CLUH: variants seen among roughly 807,000 people sequenced by gnomAD.
The protein encoded by CLUH is CLUH binding protein of NUMT mRNA, also known as clustered mitochondria protein homolog.
A neutral mutation model predicts 139.3 loss-of-function variants in CLUH; 77 were observed. That is an observed-to-expected ratio of 0.55 (90% CI 0.46 to 0.67). CLUH has a LOEUF of 0.67. Among genes scored for constraint, CLUH ranks in the 30% least tolerant of loss-of-function variants. The pLI, the probability that CLUH is intolerant of heterozygous loss-of-function variation, is 0.00. For missense variants in CLUH, 1,876 were observed against 1,875.8 expected, an observed-to-expected ratio of 1.00 and a Z score of 0.00; for synonymous variants, 999 against 801.6, an observed-to-expected ratio of 1.25 and a Z score of -4.16.
Position 2,703,369 on chromosome 17 carries a change from G to A in CLUH, c.424C>T (p.Leu142=). ...DGNVLDHFSE[L]RSVEGLQEGS... is the part of the protein sequence containing the mutation. ...TCCTGCAGCCCCTCGACGCTGCGCAGCTCCGAGAAGTGGTCCAGCACGTTG... is the reference window on the plus strand; with the variant it reads ...TCCTGCAGCCCCTCGACGCTGCGCAACTCCGAGAAGTGGTCCAGCACGTTG... The change falls in exon 3 of 26, where the codon CTG becomes TTG. Residue 142 remains leucine, a synonymous_variant. Coordinates refer to ENST00000651024, the MANE Select transcript of CLUH (RefSeq NM_001366661.1). The surrounding 1 kb of genome is among the most constrained non-coding windows in gnomAD (Gnocchi z 4.2). 1.2e-6 allele frequency: 2 copies of A among 1,613,338 alleles called. No individual in the cohort carries two copies. The highest frequency in any genetic ancestry group is 2.7e-5 in the African/African-American group (2 of 75,032).
chr17:2,711,198 C>T (rs2070509208), intron 1 of CLUH: 2 of 152,252 alleles, frequency 1.3e-5, no homozygotes, highest in African/African-American at 4.8e-5. Flanking sequence ...GGAGCGACCC[C>T]AGCTCAGAGA....
intron 11 of CLUH, 57 bp downstream of exon 11, chr17:2,696,662 A>C: frequency 6.3e-7 from 1 of 1,591,452 alleles, no homozygotes; most frequent in East Asian, 2.3e-5. Flanking sequence ...TGGGGGTCAT[A>C]AGCCACCCTG....
intron 25 of CLUH, 123 bp from the exon 26 acceptor site, chr17:2,690,900 A>G: frequency 1.4e-6 from 1 of 717,198 alleles, no homozygotes; most frequent in Non-Finnish European, 2.0e-6. Flanking sequence ...ATGTGTGTGA[A>G]CAAGCGCTTC....
At chr17:2,695,571 C>A in intron 13 of CLUH, 45 bp from the exon 14 acceptor site, 1 of 1,533,794 alleles carries the variant, frequency 6.5e-7, no homozygotes, top group Non-Finnish European at 8.7e-7. Flanking sequence ...TCCTCTGCCT[C>A]CACCCAACTG....
upstream of CLUH, chr17:2,711,936 C>T (rs1213913459): frequency 1.3e-5 from 2 of 152,258 alleles, no homozygotes; most frequent in African/African-American, 4.8e-5. Flanking sequence ...CACTCTGACT[C>T]AAGGCCCAGG....
chr17:2,695,043 C>T lies in CLUH; in HGVS notation c.2666G>A (p.Ser889Asn), dbSNP rs748795142. The T allele has an allele frequency of 7.4e-6, 12 of 1,613,316 alleles. No homozygotes were observed. The highest frequency in any genetic ancestry group is 1.1e-5 in the South Asian group (1 of 91,048). Residue 889 changes from serine (S) to asparagine (N), a missense_variant, in exon 16 of 26, where the codon AGC becomes AAC. Transcript: ENST00000651024. ...AISHFLNCFLSSYPNPVAHLP... is the reference protein window; with the variant it reads ...AISHFLNCFLNSYPNPVAHLP... ...GTGGGCCACGGGGTTTGGGTAGGAGCTCAGGAAGCAGTTCAGGAAGTGGCT... is the reference window on the plus strand; with the variant it reads ...GTGGGCCACGGGGTTTGGGTAGGAGTTCAGGAAGCAGTTCAGGAAGTGGCT...
Position 2,696,961 on chromosome 17 carries a change from G to A in CLUH, c.1962-19C>T, listed in dbSNP as rs760498783. On this transcript the variant is annotated intron_variant, in intron 10 of 25. Transcript: ENST00000651024. ...GAGGTACCTGGAGCAGAGGAAACAG[G>A]GCAGAGCAGGAGCTGGACATCGGGG... 1.1e-5 allele frequency: 16 copies of A among 1,521,316 alleles called. No individual in the cohort carries two copies. The highest frequency in any genetic ancestry group is 1.9e-4 in the Middle Eastern group (1 of 5,268). 94.2% of individuals were successfully genotyped at this position (1,521,316 alleles called of 1,614,324 possible).
rs186143146 is a variant in CLUH at position 2,696,668 on chromosome 17, C to A, written c.2185+51G>T. On this transcript the variant is annotated intron_variant, in intron 11 of 25. Coordinates refer to ENST00000651024, the MANE Select transcript of CLUH (RefSeq NM_001366661.1). ...TCTCCCAGGTGGGGGTCATAAGCCA[C>A]CCTGGCAGGGCCAGCCCGGGCTCTC... 8.8e-5 allele frequency: 140 copies of A among 1,597,374 alleles called. 1 individual carries two copies. In the East Asian group the frequency reaches 3.1e-3, roughly 35 times the overall value.
At chr17:2,705,400 T>C (rs1269892227) in intron 1 of CLUH, among the ~76,000 whole-genome samples, 1 of 152,094 alleles carries the variant, frequency 6.6e-6, no homozygotes, top group Non-Finnish European at 1.5e-5. Flanking sequence ...GGCACCCACC[T>C]GAAGTCAGCC....
Position 2,699,610 on chromosome 17 carries a change from G to C in CLUH, c.1266+772C>G, listed in dbSNP as rs548971906. ...CCCAAAGTGCTAGGATTACAGGCGT[G>C]AGCCACTGTGCCTGGCTGAGATTTC... On this transcript the variant is annotated intron_variant, in intron 9 of 25. Transcript: ENST00000651024. Among the ~76,000 whole-genome samples, 13 of 150,816 alleles carry C rather than the reference G, an allele frequency of 8.6e-5. No individual in the cohort carries two copies. In the East Asian group the frequency reaches 2.5e-3, roughly 29 times the overall value.
chr17:2,704,118 C>A lies in CLUH; in HGVS notation c.303+244G>T, dbSNP rs2070276461. On this transcript the variant is annotated intron_variant, in intron 2 of 25. Coordinates refer to ENST00000651024, the MANE Select transcript of CLUH (RefSeq NM_001366661.1). The surrounding 1 kb of genome is among the most constrained non-coding windows in gnomAD (Gnocchi z 5.7). ...CCAACACTTCCCAGCCACTATCACT[C>A]CCCTCCCCACATAGGGCTGGCAGGC... Among the ~76,000 whole-genome samples, 1 of 152,214 alleles carries A rather than the reference C, an allele frequency of 6.6e-6. No homozygotes were observed.
chr17:2,703,479 T>TG lies in CLUH; in HGVS notation c.313dup (p.Gln105ProfsTer61). 1 of 1,613,088 alleles carries TG rather than the reference T, an allele frequency of 6.2e-7. No individual in the cohort carries two copies. ...CTGGTGAATCTCCTGCACCATCTCCTGGGGGGACACCTGCAGGGAGAAGGC... is the reference window on the plus strand; with the variant it reads ...CTGGTGAATCTCCTGCACCATCTCCTGGGGGGGACACCTGCAGGGAGAAGGC... On this transcript the variant is annotated frameshift_variant, in exon 3 of 26. Transcript: ENST00000651024. LOFTEE classifies it high-confidence loss of function. This position sits in a 1 kb window ranked among gnomAD's most constrained non-coding sequence, Gnocchi z 4.2.
In CLUH at chr17:2,690,635, G is replaced by A. The variant is rs750576929; in HGVS notation, c.4006C>T (p.Pro1336Ser). The change falls in exon 26 of 26, where the codon CCC becomes TCC. Residue 1336 changes from proline (P) to serine (S), a missense_variant. Coordinates refer to ENST00000651024, the MANE Select transcript of CLUH (RefSeq NM_001366661.1). The stretch of plus-strand genomic sequence containing the variant: ...GGAGAAGGGTCCTTGGCAGCCGGGG[G>A]CTGGGAGCCCAGGTCTCCTGGGGCC... ...AGAPGDLGSQ[P>S]PAAKDPSPSV... 6.0e-6 allele frequency: 9 copies of A among 1,509,684 alleles called. No individual in the cohort carries two copies. In the East Asian group the frequency reaches 7.8e-5, roughly 13 times the overall value. The allele number at this position is 1,509,684 out of a possible 1,614,324, so 93.5% of individuals were successfully genotyped here.
Position 2,698,257 on chromosome 17 carries a change from G to T in CLUH, c.1600C>A (p.Gln534Lys). The change falls in exon 10 of 26, where the codon CAG becomes AAG. Residue 534 changes from glutamine (Q) to lysine (K), a missense_variant. Physicochemically the swap from Gln to Lys is moderately conservative, Grantham distance 53. This residue lies in a region of CLUH where 1,454 missense variants were observed against 1,384.4 expected (regional missense o/e 1.05). Coordinates refer to ENST00000651024, the MANE Select transcript of CLUH (RefSeq NM_001366661.1). ...SIIPGILERDQEQSVIYGSID... is the reference protein window; with the variant it reads ...SIIPGILERDKEQSVIYGSID... ...GAGCCGTAGATGACGCTCTGCTCCT[G>T]GTCCCGCTCCAGGATGCCGGGGATG... The T allele has an allele frequency of 6.2e-7, 1 of 1,607,292 alleles. No individual in the cohort carries two copies. The highest frequency in any genetic ancestry group is 8.5e-7 in the Non-Finnish European group (1 of 1,177,482).
chr17:2,709,780 G>A (rs1158841311), intron 1 of CLUH, among the ~76,000 whole-genome samples: 3 of 152,098 alleles, frequency 2.0e-5, no homozygotes, highest in Non-Finnish European at 2.9e-5. Flanking sequence ...CCAGCTGGGG[G>A]GTCTTCATTA....
At position 2,698,196 on chromosome 17, in the gene CLUH, C is replaced by T. The variant is rs753750953; in HGVS notation, c.1661G>A (p.Arg554Gln). The change falls in exon 10 of 26, where the codon CGG becomes CAG. Residue 554 changes from arginine to glutamine, a missense_variant. This residue lies in a region of CLUH where 1,454 missense variants were observed against 1,384.4 expected (regional missense o/e 1.05). Transcript: ENST00000651024. ...DFGKTVVSHP[R>Q]YLELLERTSR... ...CGTGCGCTCCAGCAGCTCCAGGTACCGCGGGTGTGACACCACGGTCTTGCC... is the reference window on the plus strand; with the variant it reads ...CGTGCGCTCCAGCAGCTCCAGGTACTGCGGGTGTGACACCACGGTCTTGCC... The T allele has an allele frequency of 2.0e-5, 32 of 1,576,724 alleles. No individual in the cohort carries two copies. Among genetic ancestry groups the T allele is most frequent in the Admixed American group, 5.5e-5 (3 of 54,132 alleles).
In CLUH at chr17:2,703,281, C is replaced by T. The variant is rs2070244404; in HGVS notation, c.475+37G>A. 5.1e-6 allele frequency: 8 copies of T among 1,581,412 alleles called. No individual in the cohort carries two copies. The highest frequency in any genetic ancestry group is 6.9e-6 in the Non-Finnish European group (8 of 1,163,628). On this transcript the variant is annotated intron_variant, in intron 3 of 25. Coordinates refer to ENST00000651024, the MANE Select transcript of CLUH (RefSeq NM_001366661.1). The surrounding 1 kb of genome is among the most constrained non-coding windows in gnomAD (Gnocchi z 4.2). ...TGCTGCCTGCCTCTGCCTCCGTGGG[C>T]CCTCCCCCGGGCAGGCTGTCCAACT...
chr17:2,696,213 C>T lies in CLUH; in HGVS notation c.2337G>A (p.Lys779=). ...ESCQDEVRDQ[K]QLLKDAAAFL... ...AGGCAGCCGCGTCCTTCAGCAGCTG[C>T]TTCTGGTCCCGAACTTCATCCTGGC... is the stretch of plus-strand genomic sequence containing the variant. Residue 779 remains lysine, a synonymous_variant, in exon 13 of 26, where the codon AAG becomes AAA. Coordinates refer to ENST00000651024, the MANE Select transcript of CLUH (RefSeq NM_001366661.1). The T allele has an allele frequency of 6.3e-7, 1 of 1,576,662 alleles. No individual in the cohort carries two copies.
At position 2,689,777 on chromosome 17, in the gene CLUH, G is replaced by A. The variant is rs1265512762; in HGVS notation, c.*817C>T. 1 of 152,966 alleles carries A rather than the reference G, an allele frequency of 6.5e-6. No homozygotes were observed. The highest frequency in any genetic ancestry group is 1.5e-5 in the Non-Finnish European group (1 of 68,354). 9.5% of individuals were successfully genotyped at this position (152,966 alleles called of 1,614,324 possible). ...CTGTAACTCCCGGGATCCGTAATTG[G>A]GCCCCGCTTCCCCCAGCCTCGCCCC... On this transcript the variant is annotated 3_prime_UTR_variant, in exon 26 of 26. Coordinates refer to ENST00000651024, the MANE Select transcript of CLUH (RefSeq NM_001366661.1).
Sources: allele counts gnomAD v4.1 joint callset (sites outside exome capture counted in the v4.1 genomes callset), GRCh38; gene constraint gnomAD v4.1.1; regional missense constraint gnomAD v4.1.1; non-coding constraint Gnocchi (gnomAD v3.1); transcripts MANE v1.5; gene names NCBI Gene and HGNC (gene_info 2026-07-23, HGNC 2026-07-21).